The following NDUFAF6 variants were observed in gnomAD, a reference collection of about 807,000 sequenced individuals.
NDUFAF6 encodes the protein NADH:ubiquinone oxidoreductase complex assembly factor 6, also known as NADH dehydrogenase (ubiquinone) complex I, assembly factor 6.
Under a neutral mutation model 40.8 loss-of-function variants are expected in NDUFAF6, and 45 were observed. The ratio of observed to expected loss-of-function variants is 1.10; its 90% CI spans 0.87 to 1.42. The LOEUF (loss-of-function observed/expected upper bound fraction) is 1.42, where lower values mean the gene tolerates loss of function less well. Among genes scored for constraint, NDUFAF6 ranks in the 40% most tolerant of loss-of-function variants. The pLI is 0.00. For missense variants in NDUFAF6, 435 were observed against 418.5 expected (o/e 1.04, Z -0.34); for synonymous variants, 185 against 155.9 (o/e 1.19, Z -1.39).
intron 1 of NDUFAF6, among the ~76,000 whole-genome samples, chr8:94,930,994 C>G (rs764697227): frequency 2.3e-4 from 35 of 152,180 alleles, no homozygotes; most frequent in Non-Finnish European, 4.3e-4. Context: ...ACACTTTAAA[C>G]TTTGAATTTC....
At chr8:95,024,987 A>G, upstream of NDUFAF6, 1 of 1,307,698 alleles carries the variant, frequency 7.6e-7, no homozygotes, top group African/African-American at 1.5e-5. Flanking sequence ...CGGGGGGTCG[A>G]AGGGCACGCA....
At chr8:95,076,792 G>A (rs1451978040), downstream of NDUFAF6, among the ~76,000 whole-genome samples, 1 of 150,666 alleles carries the variant, frequency 6.6e-6, no homozygotes, top group Non-Finnish European at 1.5e-5. Context: ...AGAATTGCTT[G>A]AACCCGGGAG....
intron 2 of NDUFAF6, among the ~76,000 whole-genome samples, chr8:95,081,766 A>G (rs903108390): frequency 6.6e-6 from 1 of 152,192 alleles, no homozygotes; most frequent in African/African-American, 2.4e-5. Flanking sequence ...ATCTTAGTTT[A>G]AGAACTCCTG....
chr8:94,977,473 T>C (rs1825057779), intron 1 of NDUFAF6, among the ~76,000 whole-genome samples: 1 of 146,800 alleles, frequency 6.8e-6, no homozygotes, highest in African/African-American at 2.5e-5. Context: ...CTGTGAGCCA[T>C]GATCACACCT....
intron 2 of NDUFAF6, among the ~76,000 whole-genome samples, chr8:95,082,019 G>C (rs1029329349): frequency 6.6e-6 from 1 of 152,126 alleles, no homozygotes; most frequent in Admixed American, 6.6e-5. Flanking sequence ...AGCCGAGATC[G>C]CGCCACTGCA....
At chr8:94,965,007 G>A (rs539909888) in intron 1 of NDUFAF6, among the ~76,000 whole-genome samples, 1 of 152,246 alleles carries the variant, frequency 6.6e-6, no homozygotes, top group African/African-American at 2.4e-5. Context: ...CTCTAGCACT[G>A]TTTCCATCAG....
At chr8:94,916,180 T>G (rs1433907251) in intron 1 of NDUFAF6, among the ~76,000 whole-genome samples, 2 of 152,186 alleles carry the variant, frequency 1.3e-5, no homozygotes. Flanking sequence ...AAAACGAAGT[T>G]CATGCAATTT....
intron 1 of NDUFAF6, among the ~76,000 whole-genome samples, chr8:94,900,034 A>G (rs1330385683): frequency 6.6e-6 from 1 of 152,080 alleles, no homozygotes; most frequent in Non-Finnish European, 1.5e-5. Flanking sequence ...CCATTTATTC[A>G]TTAATACTCA....
At chr8:94,981,701 A>G (rs967885452) in intron 2 of NDUFAF6, among the ~76,000 whole-genome samples, 2 of 152,238 alleles carry the variant, frequency 1.3e-5, no homozygotes, top group African/African-American at 4.8e-5. Context: ...GCTTTAAAAG[A>G]GAACTAGACA....
chr8:94,963,283 C>T (rs1823750689), intron 1 of NDUFAF6, among the ~76,000 whole-genome samples: 1 of 152,196 alleles, frequency 6.6e-6, no homozygotes, highest in Non-Finnish European at 1.5e-5. Context: ...GAGGCTTACT[C>T]TGTAGCTGAC....
chr8:94,978,715 A>G (rs1293144397), intron 1 of NDUFAF6, among the ~76,000 whole-genome samples: 2 of 151,930 alleles, frequency 1.3e-5, no homozygotes, highest in African/African-American at 2.4e-5. Flanking sequence ...CCCTGTCTCA[A>G]AAAAAGAAAA....
At chr8:94,902,251 A>T (rs2945564) in intron 1 of NDUFAF6, among the ~76,000 whole-genome samples, 16 of 22,658 alleles carry the variant, frequency 7.1e-4, no homozygotes, top group Admixed American at 2.4e-3. Context: ...AAACTCTATC[A>T]AAAAAACAAA....
rs71273438 is a variant in NDUFAF6, at chr8:94,946,696, CAAAAAAA to C, written c.-799+1095_-799+1101del. ...TGGTCAACAGAGTAAGACCCTGTCTCAAAAAAAAAAAAAAAAAAAAAAAAGACAGGCC... is the reference window on the plus strand; with the variant it reads ...TGGTCAACAGAGTAAGACCCTGTCTCAAAAAAAAAAAAAAAAAGACAGGCC... On this transcript the variant is annotated intron_variant, in intron 2 of 14. Transcript: ENST00000396113. 1.2e-3 allele frequency among the ~76,000 whole-genome samples: 41 copies of C among 34,696 alleles called. 3 individuals are homozygous for C. Among genetic ancestry groups the C allele is most frequent in the Middle Eastern group, 0.019 (1 of 52 alleles). 22.8% of individuals were successfully genotyped at this position (34,696 alleles called of 152,430 possible).
intron 1 of NDUFAF6, among the ~76,000 whole-genome samples, chr8:95,026,142 A>G (rs1279896496): frequency 6.6e-6 from 1 of 152,088 alleles, no homozygotes; most frequent in Non-Finnish European, 1.5e-5. Flanking sequence ...AACAAAATGC[A>G]TGCATTTCAG....
chr8:94,990,614 G>A (rs529291482), intron 2 of NDUFAF6, among the ~76,000 whole-genome samples: 8 of 152,272 alleles, frequency 5.3e-5, no homozygotes, highest in South Asian at 2.1e-4. Flanking sequence ...CCATGGAAAC[G>A]TGGTTGAAGA....
At chr8:95,100,454 T>C (rs1489589112) in exon 1 of NDUFAF6, 1 of 152,186 alleles carries the variant, frequency 6.6e-6, no homozygotes, top group Admixed American at 6.5e-5. Context: ...AGAGGGCTAC[T>C]CCATGTCAGA....
rs1554630442 is a variant in NDUFAF6 at position 94,933,834 on chromosome 8, T to TTG, written c.-935-11649_-935-11648insTG. On this transcript the variant is annotated intron_variant, in intron 1 of 14. Coordinates refer to the NDUFAF6 transcript ENST00000396113. ...TCATGCCTGTAATCCCAGCACTTTG[T>TTG]GGGGGGGGGGGGAGGATCACGAGGT... 5.9e-4 allele frequency among the ~76,000 whole-genome samples: 35 copies of TTG among 59,028 alleles called. 3 individuals carry two copies. The highest frequency in any genetic ancestry group is 9.2e-4 in the East Asian group (2 of 2,180). 38.7% of individuals were successfully genotyped at this position (59,028 alleles called of 152,430 possible).
In NDUFAF6 at chr8:95,045,627, A is replaced by G. The variant is rs1416614232; in HGVS notation, c.560A>G (p.Tyr187Cys). ...GAAAACACACAGAGCTCTCTTCTTT[A>G]CTTAACACTAGAAATATTGGGTAAG... Reference protein sequence around the residue: ...YAENTQSSLLYLTLEILGIKD... With the variant: ...YAENTQSSLLCLTLEILGIKD... Residue 187 changes from tyrosine (Y) to cysteine (C), a missense_variant, in exon 5 of 9, where the codon TAC (tyrosine) becomes TGC (cysteine). Tyr to Cys is a radical substitution (Grantham distance 194). Transcript: ENST00000396124. 11 of 1,612,330 alleles carry G rather than the reference A, an allele frequency of 6.8e-6. No individual in the cohort carries two copies. Among genetic ancestry groups the G allele is most frequent in the Non-Finnish European group, 9.3e-6 (11 of 1,178,728 alleles).
downstream of NDUFAF6, among the ~76,000 whole-genome samples, chr8:95,107,139 AC>A (rs2132082727): frequency 6.6e-6 from 1 of 152,328 alleles, no homozygotes; most frequent in South Asian, 2.1e-4. Flanking sequence ...CTGGGTATAT[AC>A]CCAAAGGATA....
Sources: allele counts gnomAD v4.1 joint callset (sites outside exome capture counted in the v4.1 genomes callset), GRCh38; gene constraint gnomAD v4.1.1; transcripts MANE v1.5; gene names NCBI Gene and HGNC (gene_info 2026-07-23, HGNC 2026-07-21).